Variants in INVS observed in about 807,000 individuals in gnomAD.
INVS encodes inversion of embryo turning homolog.
INVS carries 86 observed loss-of-function variants against 108.8 expected under a neutral mutation model. That is an observed-to-expected ratio of 0.79 (90% CI 0.66 to 0.95). The LOEUF is 0.95. INVS is among the 40% of genes least tolerant of loss of function. The probability of loss-of-function intolerance (pLI) is 0.00; values close to 1 mark genes in which losing one functional copy is unlikely to be tolerated. For missense variants in INVS, 1,169 were observed against 1,297.4 expected (o/e 0.90, Z 1.52); for synonymous variants, 455 against 473.5 (o/e 0.96, Z 0.51).
chr9:100,231,579 C>T (rs1446344030), intron 5 of INVS, among the ~76,000 whole-genome samples: 1 of 136,716 alleles, frequency 7.3e-6, no homozygotes, highest in African/African-American at 2.7e-5. Flanking sequence ...CATTGTTCAA[C>T]TCCCACTTAT....
At chr9:100,189,357 T>C (rs1830153458) in intron 3 of INVS, among the ~76,000 whole-genome samples, 1 of 151,980 alleles carries the variant, frequency 6.6e-6, no homozygotes, top group East Asian at 1.9e-4. Flanking sequence ...TTCAGACTTT[T>C]TGATTTAGGC....
At chr9:100,120,138 G>T (rs994170382) in intron 2 of INVS, among the ~76,000 whole-genome samples, 3 of 152,188 alleles carry the variant, frequency 2.0e-5, no homozygotes, top group Non-Finnish European at 4.4e-5. Context: ...CTGTGTGGTG[G>T]CTTATGCCTG....
At chr9:100,243,784 C>T (rs1276280562) in intron 7 of INVS, among the ~76,000 whole-genome samples, 1 of 152,098 alleles carries the variant, frequency 6.6e-6, no homozygotes, top group Non-Finnish European at 1.5e-5. Context: ...CAGAGATGGG[C>T]GGATCACCTA....
intron 3 of INVS, among the ~76,000 whole-genome samples, chr9:100,223,703 A>T (rs1831219143): frequency 1.3e-5 from 2 of 151,916 alleles, no homozygotes; most frequent in Admixed American, 6.6e-5. Context: ...ATCAAGGGAA[A>T]CCTCTCTGAG....
At chr9:100,276,000 T>G (rs1833101718) in intron 12 of INVS, among the ~76,000 whole-genome samples, 1 of 152,196 alleles carries the variant, frequency 6.6e-6, no homozygotes, top group Admixed American at 6.5e-5. Flanking sequence ...TTTGCCAGGT[T>G]CTTATTTCAC....
rs11999589 is a variant in INVS at position 100,119,133 on chromosome 9, A to G, written c.107-7250A>G. On this transcript the variant is annotated intron_variant, in intron 2 of 16. Coordinates refer to ENST00000262457, the MANE Select transcript of INVS (RefSeq NM_014425.5). ...TTCTCTTCATTACTGTGGGTTTACA[A>G]TATGCCTTGATATCATACAATGTGA... Among the ~76,000 whole-genome samples the G allele has an allele frequency of 3.6e-3, 551 of 152,326 alleles. 3 individuals are homozygous for G. Among genetic ancestry groups the G allele is most frequent in the African/African-American group, 0.012 (514 of 41,568 alleles).
In INVS at chr9:100,302,109, C is replaced by CAAAG. The variant is rs1554732078; in HGVS notation, c.*1437_*1440dup. The CAAAG allele has an allele frequency of 6.1e-6, 5 of 814,212 alleles. No individual in the cohort carries two copies. The Admixed American group carries it at 1.0e-4, about 17-fold the overall frequency. The allele number at this position is 814,212 out of a possible 1,614,324, so 50.4% of individuals were successfully genotyped here. On this transcript the variant is annotated 3_prime_UTR_variant, in exon 17 of 17. Coordinates refer to ENST00000262457, the MANE Select transcript of INVS (RefSeq NM_014425.5). ...TTCTTTAAAAGTTCAGCTTTAATGA[C>CAAAG]AAAGATCTATTACATCAGTCTTTTT...
intron 3 of INVS, among the ~76,000 whole-genome samples, chr9:100,137,453 T>C (rs982428139): frequency 6.6e-6 from 1 of 152,186 alleles, no homozygotes; most frequent in African/African-American, 2.4e-5. Flanking sequence ...CCTTGTTATT[T>C]TCTGGTGCTC....
chr9:100,282,105 G>A (rs529289187), intron 12 of INVS, among the ~76,000 whole-genome samples: 4 of 152,248 alleles, frequency 2.6e-5, no homozygotes, highest in African/African-American at 9.6e-5. Context: ...CTGCTCATCG[G>A]TGCTGATAAA....
chr9:100,209,041 A>T (rs770118132), intron 3 of INVS, among the ~76,000 whole-genome samples: 2 of 152,126 alleles, frequency 1.3e-5, no homozygotes, highest in African/African-American at 4.8e-5. Context: ...CCCAGATCTG[A>T]CTGGTTCCAA....
chr9:100,228,259 G>A (rs968566326), intron 4 of INVS, among the ~76,000 whole-genome samples: 4 of 152,078 alleles, frequency 2.6e-5, no homozygotes, highest in African/African-American at 7.2e-5. Flanking sequence ...CCAAAGTGCC[G>A]GGATTACAGG....
intron 3 of INVS, among the ~76,000 whole-genome samples, chr9:100,183,794 G>GAAAAAAA (rs67231511): frequency 1.5e-5 from 1 of 68,716 alleles, no homozygotes; most frequent in African/African-American, 5.0e-5. Flanking sequence ...CTGTTTCAGG[G>GAAAAAAA]AAAAAAAAAA....
intron 3 of INVS, among the ~76,000 whole-genome samples, chr9:100,217,299 ACT>A (rs1831020491): frequency 1.3e-5 from 2 of 151,866 alleles, no homozygotes; most frequent in Admixed American, 6.6e-5. Context: ...ACAGAGTGAG[ACT>A]CTGTCTCAAA....
chr9:100,187,201 C>T (rs2118128083), intron 3 of INVS, among the ~76,000 whole-genome samples: 1 of 152,144 alleles, frequency 6.6e-6, no homozygotes, highest in East Asian at 1.9e-4. Flanking sequence ...CTATTCTGTT[C>T]CATTGGTCTG....
chr9:100,163,608 AAAAT>A (rs1829263398), intron 3 of INVS, among the ~76,000 whole-genome samples: 1 of 152,194 alleles, frequency 6.6e-6, no homozygotes, highest in Non-Finnish European at 1.5e-5. Context: ...CTATGGAAAA[AAAAT>A]AAGACAGGTG....
At chr9:100,115,938 C>T (rs1827507290) in intron 2 of INVS, among the ~76,000 whole-genome samples, 1 of 152,098 alleles carries the variant, frequency 6.6e-6, no homozygotes, top group African/African-American at 2.4e-5. Flanking sequence ...CCTATTTCTC[C>T]ACATCCTCTC....
intron 11 of INVS, among the ~76,000 whole-genome samples, chr9:100,270,980 C>T (rs1374237507): frequency 6.6e-6 from 1 of 150,690 alleles, no homozygotes; most frequent in Non-Finnish European, 1.5e-5. Flanking sequence ...AGAAAGTTGC[C>T]ATTTGAGATT....
intron 12 of INVS, among the ~76,000 whole-genome samples, chr9:100,274,720 G>T (rs569166422): frequency 6.6e-5 from 10 of 152,254 alleles, no homozygotes; most frequent in African/African-American, 2.4e-4. Context: ...GGCCAGGCTG[G>T]TCTCGAACTC....
intron 3 of INVS, among the ~76,000 whole-genome samples, chr9:100,194,525 G>GCCCTTCTTTCCT (rs1830317754): frequency 6.7e-6 from 1 of 149,666 alleles, no homozygotes; most frequent in African/African-American, 2.5e-5. Context: ...AAATCTTTAT[G>GCCCTTCTTTCCT]CCCTTCTTTC....
Sources: allele counts gnomAD v4.1 joint callset (sites outside exome capture counted in the v4.1 genomes callset), GRCh38; gene constraint gnomAD v4.1.1; transcripts MANE v1.5; gene names NCBI Gene and HGNC (gene_info 2026-07-23, HGNC 2026-07-21).